ANK2: variants seen among roughly 807,000 people sequenced by gnomAD.
ANK2 encodes the protein ankyrin 2.
ANK2 carries 83 observed loss-of-function variants against 360.5 expected under a neutral mutation model. The ratio of observed to expected loss-of-function variants is 0.23; its 90% CI spans 0.19 to 0.28. ANK2 has a LOEUF of 0.28. Ranked by LOEUF, ANK2 falls within the 10% of genes least tolerant of loss-of-function variation. The pLI, the probability that ANK2 is intolerant of heterozygous loss-of-function variation, is 1.00. For synonymous variants in ANK2, 1,740 were observed against 1,759.5 expected (o/e 0.99, Z 0.28); for missense variants, 4,201 against 4,795.7 (o/e 0.88, Z 3.66).
chr4:113,220,197 G>A (rs3025754), intron 4 of ANK2, among the ~76,000 whole-genome samples: 1 of 152,160 alleles, frequency 6.6e-6, no homozygotes, highest in African/African-American at 2.4e-5. Flanking sequence ...CGAGTTTGGT[G>A]GATTGAACCA....
At chr4:113,189,031 G>A (rs1467174820) in intron 2 of ANK2, among the ~76,000 whole-genome samples, 4 of 152,152 alleles carry the variant, frequency 2.6e-5, no homozygotes, top group African/African-American at 9.7e-5. Flanking sequence ...GAGGTTACCA[G>A]TATTAATAAA....
intron 1 of ANK2, among the ~76,000 whole-genome samples, chr4:112,867,489 A>G (rs2071086152): frequency 6.6e-6 from 1 of 152,054 alleles, no homozygotes; most frequent in Non-Finnish European, 1.5e-5. Flanking sequence ...GAGTTGTACA[A>G]CCACCATTAC....
At chr4:112,803,759 T>C in the ANK2 span, among the ~76,000 whole-genome samples, 3 of 152,214 alleles carry the variant, frequency 2.0e-5, no homozygotes, top group Non-Finnish European at 4.4e-5. Context: ...TAACCATATA[T>C]AGAGACTATG....
chr4:113,333,251 G>A (rs1397087326), intron 29 of ANK2, 43 bp downstream of exon 29: 3 of 1,609,542 alleles, frequency 1.9e-6, no homozygotes, highest in African/African-American at 2.7e-5. Flanking sequence ...TAAACTGGAA[G>A]CATGAAAATG....
intron 4 of ANK2, among the ~76,000 whole-genome samples, chr4:113,212,744 A>G (rs1300433902): frequency 6.6e-6 from 1 of 152,238 alleles, no homozygotes; most frequent in Non-Finnish European, 1.5e-5. Context: ...AGATTAATCC[A>G]TGTTCGGCAT....
intron 1 of ANK2, among the ~76,000 whole-genome samples, chr4:113,102,422 A>G (rs2093007748): frequency 6.6e-6 from 1 of 152,064 alleles, no homozygotes; most frequent in East Asian, 1.9e-4. Context: ...AGAGGCTAGA[A>G]CCAGAGATAG....
At chr4:113,156,405 C>T (rs964607804) in intron 1 of ANK2, among the ~76,000 whole-genome samples, 3 of 111,538 alleles carry the variant, frequency 2.7e-5, no homozygotes, top group Non-Finnish European at 5.5e-5. Context: ...AGTTTCACTC[C>T]CATAGCCCAG....
chr4:113,033,379 C>G (rs534033416), intron 2 of ANK2, among the ~76,000 whole-genome samples: 2 of 152,004 alleles, frequency 1.3e-5, no homozygotes, highest in East Asian at 3.9e-4. Context: ...TTCTGCCTCT[C>G]CAATAAAGCA....
At chr4:113,350,288 G>A in intron 37 of ANK2, 39 bp downstream of exon 37, 1 of 1,572,994 alleles carries the variant, frequency 6.4e-7, no homozygotes, top group Non-Finnish European at 8.7e-7. Context: ...TTGAAAGCTG[G>A]CTACCATAAA....
At chr4:113,290,258 G>A (rs1308266673) in intron 20 of ANK2, among the ~76,000 whole-genome samples, 1 of 151,436 alleles carries the variant, frequency 6.6e-6, no homozygotes, top group African/African-American at 2.4e-5. Context: ...AACCTCAAAG[G>A]ACAGTCTTTT....
intron 45 of ANK2, among the ~76,000 whole-genome samples, chr4:113,378,822 A>G (rs1339032841): frequency 1.3e-5 from 2 of 152,090 alleles, no homozygotes; most frequent in African/African-American, 4.8e-5. Context: ...TATGGATTTG[A>G]TGTATAAACT....
At chr4:113,130,715 G>A (rs1055638712) in intron 1 of ANK2, among the ~76,000 whole-genome samples, 1 of 152,126 alleles carries the variant, frequency 6.6e-6, no homozygotes, top group South Asian at 2.1e-4. Context: ...ATAACCATAG[G>A]TTTCTATATC....
chr4:112,822,930 A>G (rs1303344579), intron 1 of ANK2, among the ~76,000 whole-genome samples: 2 of 152,038 alleles, frequency 1.3e-5, no homozygotes, highest in Admixed American at 1.3e-4. Context: ...ATTCTTGCTT[A>G]TGAGTATAAT....
intron 1 of ANK2, among the ~76,000 whole-genome samples, chr4:113,131,226 A>G (rs1189901464): frequency 6.6e-6 from 1 of 152,198 alleles, no homozygotes; most frequent in Non-Finnish European, 1.5e-5. Flanking sequence ...ATCCTCTCTC[A>G]TAACTCCTAT....
chr4:113,314,551 C>T lies in ANK2; in HGVS notation c.2693+3152C>T, dbSNP rs141624238. Among the ~76,000 whole-genome samples the T allele has an allele frequency of 1.6e-4, 25 of 152,258 alleles. No homozygotes were observed. The East Asian group carries it at 4.8e-3, about 29-fold the overall frequency. On this transcript the variant is annotated intron_variant, in intron 24 of 45. Transcript: ENST00000357077. ...TATTATACATTTATTAACTGAATAG[C>T]AGAACCATTGACTTCATGAAAAATT...
intron 17 of ANK2, 84 bp from the exon 18 acceptor site, chr4:113,282,591 G>C (rs913700948): frequency 1.5e-6 from 2 of 1,297,950 alleles, no homozygotes; most frequent in Non-Finnish European, 2.2e-6. Context: ...ATTGATTAGA[G>C]ATTTTTATTT....
At position 112,831,149 on chromosome 4, in the gene ANK2, C is replaced by T. The variant is rs984904517; in HGVS notation, c.-40+12885C>T. Reference sequence around the variant, plus strand: ...CCAATGGGTGCTGCCCCCTACTCTGCAGCGCCCAGTCCCATCGACTGCCCA... The same window carrying T: ...CCAATGGGTGCTGCCCCCTACTCTGTAGCGCCCAGTCCCATCGACTGCCCA... On this transcript the variant is annotated intron_variant, in intron 1 of 30. Coordinates refer to the ANK2 transcript ENST00000503271. Among the ~76,000 whole-genome samples the T allele has an allele frequency of 2.0e-5, 3 of 152,364 alleles. No individual in the cohort carries two copies. The East Asian group carries it at 5.8e-4, about 29-fold the overall frequency.
At chr4:112,996,365 A>T (rs930265723) in intron 2 of ANK2, among the ~76,000 whole-genome samples, 1 of 152,142 alleles carries the variant, frequency 6.6e-6, no homozygotes, top group Admixed American at 6.5e-5. Context: ...CTAATGTGTA[A>T]ATCATCAAAT....
chr4:113,048,278 T>TATATATATATATA (rs1561690721), upstream of ANK2, among the ~76,000 whole-genome samples: 1 of 35,690 alleles, frequency 2.8e-5, no homozygotes, highest in Non-Finnish European at 4.9e-5. Flanking sequence ...ATATATATAT[T>TATATATATATATA]TTTTTTTTTT....
Sources: gnomAD v4.1 joint callset for allele counts (sites outside exome capture counted in the v4.1 genomes callset) on GRCh38, gnomAD v4.1.1 for gene constraint, MANE v1.5 for transcripts, NCBI Gene and HGNC (gene_info 2026-07-23, HGNC 2026-07-21) for gene names.